STRBP: variants seen among roughly 807,000 people sequenced by gnomAD.
STRBP encodes the protein spermatid perinuclear RNA-binding protein.
In STRBP, 13 loss-of-function variants were observed where a neutral mutation model predicts 80.1. The ratio of observed to expected loss-of-function variants is 0.16; its 90% CI spans 0.11 to 0.26. The LOEUF (loss-of-function observed/expected upper bound fraction) is 0.26, where lower values mean the gene tolerates loss of function less well. STRBP is among the 10% of genes least tolerant of loss of function. The pLI is 1.00. For synonymous variants in STRBP, 284 were observed against 291.2 expected (o/e 0.98, Z 0.25); for missense variants, 485 against 815.2 (o/e 0.59, Z 4.93).
At chr9:123,170,227 C>A (rs2037950885) in intron 5 of STRBP, among the ~76,000 whole-genome samples, 181 bp from the exon 6 acceptor site, 1 of 152,154 alleles carries the variant, frequency 6.6e-6, no homozygotes, top group African/African-American at 2.4e-5. Flanking sequence ...TCCCAACTTA[C>A]AAGAAAACCC....
chr9:123,233,599 C>T (rs1389558637), intron 2 of STRBP, among the ~76,000 whole-genome samples: 2 of 152,186 alleles, frequency 1.3e-5, no homozygotes, highest in African/African-American at 4.8e-5. Context: ...ATATAGGCTG[C>T]ACTAATTGCA....
At chr9:123,228,958 G>A (rs560709436) in intron 2 of STRBP, among the ~76,000 whole-genome samples, 3 of 152,260 alleles carry the variant, frequency 2.0e-5, no homozygotes, top group African/African-American at 7.2e-5. Flanking sequence ...ACTGATGAAT[G>A]CACAAACAAA....
chr9:123,160,920 T>C (rs933014495), intron 7 of STRBP, 57 bp downstream of exon 7: 2 of 1,412,900 alleles, frequency 1.4e-6, no homozygotes, highest in African/African-American at 2.9e-5. Flanking sequence ...GTGGCAGGTG[T>C]TCCAAATGAA....
chr9:123,183,751 T>C (rs1273632816), intron 3 of STRBP, among the ~76,000 whole-genome samples: 1 of 152,202 alleles, frequency 6.6e-6, no homozygotes, highest in Non-Finnish European at 1.5e-5. Context: ...AACTTCTACA[T>C]CATTCATATC....
chr9:123,236,381 T>C (rs769539585), intron 2 of STRBP, among the ~76,000 whole-genome samples: 1 of 152,220 alleles, frequency 6.6e-6, no homozygotes, highest in Non-Finnish European at 1.5e-5. Flanking sequence ...TATAAAAGTA[T>C]AATTTTTAAA....
At chr9:123,257,359 T>G (rs570521356) in intron 1 of STRBP, among the ~76,000 whole-genome samples, 15 of 152,214 alleles carry the variant, frequency 9.9e-5, no homozygotes, top group African/African-American at 3.4e-4. Flanking sequence ...AAATAATTTC[T>G]TGTTCTTCTG....
At chr9:123,257,741 T>C (rs1371378800) in intron 1 of STRBP, among the ~76,000 whole-genome samples, 1 of 152,040 alleles carries the variant, frequency 6.6e-6, no homozygotes, top group African/African-American at 2.4e-5. Flanking sequence ...TGGTTGAGCC[T>C]AGGAGGTTGA....
At chr9:123,223,161 G>C (rs543329511) in intron 2 of STRBP, among the ~76,000 whole-genome samples, 136 of 152,064 alleles carry the variant, frequency 8.9e-4, no homozygotes, top group African/African-American at 3.2e-3. Context: ...ATTCCAGAAA[G>C]GGCAGAACTA....
At chr9:123,121,275 A>G (rs988711866), downstream of STRBP, 28 of 152,260 alleles carry the variant, frequency 1.8e-4, no homozygotes, top group African/African-American at 5.5e-4. Context: ...AATATGAAAC[A>G]TGAAATTCAT....
At chr9:123,260,516 T>C (rs759941606) in intron 1 of STRBP, among the ~76,000 whole-genome samples, 3 of 152,232 alleles carry the variant, frequency 2.0e-5, no homozygotes, top group South Asian at 2.1e-4. Context: ...GTAAATAATA[T>C]GCTTAACTCA....
chr9:123,249,596 G>C (rs1322143154), intron 1 of STRBP, among the ~76,000 whole-genome samples: 1 of 151,672 alleles, frequency 6.6e-6, no homozygotes, highest in African/African-American at 2.4e-5. Context: ...AGGTATGATT[G>C]CACCACTGCA....
At chr9:123,248,562 G>A (rs2040848904) in intron 1 of STRBP, among the ~76,000 whole-genome samples, 1 of 151,934 alleles carries the variant, frequency 6.6e-6, no homozygotes. Context: ...GAGCCACCGC[G>A]CCCAGCCGAA....
At chr9:123,169,853 A>C in intron 6 of STRBP, 49 bp downstream of exon 6, 2 of 1,105,122 alleles carry the variant, frequency 1.8e-6, no homozygotes, top group Non-Finnish European at 2.3e-6. Context: ...AAGAAAACAA[A>C]CAACAACAAC....
chr9:123,189,879 A>G (rs2038857681), intron 2 of STRBP, among the ~76,000 whole-genome samples: 1 of 152,200 alleles, frequency 6.6e-6, no homozygotes, highest in Middle Eastern at 3.2e-3. Context: ...AAAAGAAAAA[A>G]AGATAAATTA....
rs2035862274 is a variant in STRBP, at chr9:123,125,581, T to G, written c.*16A>C. The G allele has an allele frequency of 1.9e-6, 3 of 1,611,498 alleles. No individual in the cohort carries two copies. Among genetic ancestry groups the G allele is most frequent in the African/African-American group, 2.7e-5 (2 of 74,778 alleles). Reference sequence around the variant, plus strand: ...TACTGTATTGTTGTTCAATAGGAATTAGCTTCTGTCATTTGCTAAAAGAAT... The same window carrying G: ...TACTGTATTGTTGTTCAATAGGAATGAGCTTCTGTCATTTGCTAAAAGAAT... On this transcript the variant is annotated 3_prime_UTR_variant, in exon 19 of 19. Coordinates refer to ENST00000348403, the MANE Select transcript of STRBP (RefSeq NM_018387.5).
rs114656163 is a variant in STRBP, at chr9:123,157,797, G to A, written c.1045+215C>T. Among the ~76,000 whole-genome samples, 747 of 151,804 alleles carry A rather than the reference G, an allele frequency of 4.9e-3. 5 individuals carry two copies. Among genetic ancestry groups the A allele is most frequent in the African/African-American group, 0.017 (713 of 41,354 alleles). ...CTCCATGATTCAATTACCTTCCACC[G>A]GTCTGTCCCACAACACCTAGGGATT... is the stretch of plus-strand genomic sequence containing the variant. On this transcript the variant is annotated intron_variant, in intron 11 of 18. Transcript: ENST00000348403.
At chr9:123,119,427 C>T (rs1043345240), downstream of STRBP, among the ~76,000 whole-genome samples, 1 of 132,098 alleles carries the variant, frequency 7.6e-6, no homozygotes, top group African/African-American at 2.8e-5. Flanking sequence ...AAACCCTTGG[C>T]AGCAGACTGG....
intron 1 of STRBP, among the ~76,000 whole-genome samples, chr9:123,262,605 T>C (rs2041181799): frequency 6.6e-6 from 1 of 152,218 alleles, no homozygotes; most frequent in Non-Finnish European, 1.5e-5. Flanking sequence ...ACTGTACCCT[T>C]TCAAGTTATG....
chr9:123,201,513 G>A (rs2039325079), intron 2 of STRBP, among the ~76,000 whole-genome samples: 1 of 152,166 alleles, frequency 6.6e-6, no homozygotes, highest in African/African-American at 2.4e-5. Context: ...TATTTGTACA[G>A]TTTTGAGAGT....
Sources: allele counts gnomAD v4.1 joint callset (sites outside exome capture counted in the v4.1 genomes callset), GRCh38; gene constraint gnomAD v4.1.1; transcripts MANE v1.5; gene names NCBI Gene and HGNC (gene_info 2026-07-23, HGNC 2026-07-21).